The following PTPRD variants were observed in gnomAD, a reference collection of about 807,000 sequenced individuals.
PTPRD encodes protein tyrosine phosphatase receptor type D.
PTPRD carries 34 observed loss-of-function variants against 214.5 expected under a neutral mutation model. The ratio of observed to expected loss-of-function variants is 0.16; its 90% confidence interval spans 0.12 to 0.21. PTPRD has a LOEUF of 0.21. Among genes scored for constraint, PTPRD ranks in the 10% least tolerant of loss-of-function variants. The pLI is 1.00. For missense variants in PTPRD, 2,545 were observed against 2,398.7 expected (o/e 1.06, Z -1.27); for synonymous variants, 1,128 against 845.7 (o/e 1.33, Z -5.79).
intron 11 of PTPRD, among the ~76,000 whole-genome samples, chr9:8,918,813 C>G (rs2098805262): frequency 6.6e-6 from 1 of 152,138 alleles, no homozygotes; most frequent in Admixed American, 6.6e-5. Flanking sequence ...ACCAAACTTT[C>G]TCTAACACAA....
chr9:9,759,677 C>T (rs941212286), intron 6 of PTPRD, among the ~76,000 whole-genome samples: 1 of 151,192 alleles, frequency 6.6e-6, no homozygotes, highest in African/African-American at 2.4e-5. Flanking sequence ...CTTGCCTCAG[C>T]CTCCCAAGTA....
rs556635642 is a variant in PTPRD at position 10,563,573 on chromosome 9, A to G, written c.-600+48825T>C. 2.3e-3 allele frequency among the ~76,000 whole-genome samples: 355 copies of G among 152,276 alleles called. 2 individuals are homozygous for G. The highest frequency in any genetic ancestry group is 8.2e-3 in the African/African-American group (340 of 41,556). On this transcript the variant is annotated intron_variant, in intron 2 of 45. Coordinates refer to ENST00000381196, the MANE Select transcript of PTPRD (RefSeq NM_002839.4). The stretch of plus-strand genomic sequence containing the variant: ...ATGAATTAGTTACATTATTTAAAAT[A>G]TATTTATTTCAATGTAGAAATTCAA...
At chr9:10,028,346 T>G (rs927745949) in intron 4 of PTPRD, among the ~76,000 whole-genome samples, 3 of 152,174 alleles carry the variant, frequency 2.0e-5, no homozygotes, top group African/African-American at 7.2e-5. Context: ...ATAGAGTAAA[T>G]TGGTACCAGT....
At chr9:9,664,485 C>A (rs183358505) in intron 7 of PTPRD, among the ~76,000 whole-genome samples, 1 of 151,674 alleles carries the variant, frequency 6.6e-6, no homozygotes, top group East Asian at 1.9e-4. Context: ...GCAATTAGAT[C>A]AGCTCTTTTT....
chr9:9,291,483 G>C (rs556106226), intron 9 of PTPRD, among the ~76,000 whole-genome samples: 2 of 151,362 alleles, frequency 1.3e-5, no homozygotes, highest in Non-Finnish European at 3.0e-5. Context: ...AAATTTATTA[G>C]AGATTTTGAT....
intron 2 of PTPRD, among the ~76,000 whole-genome samples, chr9:10,438,395 C>G (rs694992): frequency 0.45 from 68,181 of 151,322 alleles, 17,049 homozygotes; most frequent in East Asian, 0.72. Context: ...GGGTTTATCA[C>G]AACATAATCC....
At chr9:10,385,263 T>C (rs2097894978) in intron 2 of PTPRD, among the ~76,000 whole-genome samples, 1 of 151,808 alleles carries the variant, frequency 6.6e-6, no homozygotes, top group Non-Finnish European at 1.5e-5. Context: ...ATGTTCTGGT[T>C]ATATATGCAG....
intron 12 of PTPRD, among the ~76,000 whole-genome samples, chr9:8,719,642 A>G (rs2098471069): frequency 6.6e-6 from 1 of 152,186 alleles, no homozygotes; most frequent in Non-Finnish European, 1.5e-5. Context: ...TTTATTTTGT[A>G]TTGGCTGTGG....
chr9:9,376,272 G>T (rs10977686), intron 9 of PTPRD, among the ~76,000 whole-genome samples: 3,754 of 152,128 alleles, frequency 0.025, 138 homozygotes, highest in African/African-American at 0.085. Flanking sequence ...GCAAACAAAT[G>T]CCTGGATGAC....
chr9:8,497,112 A>G, intron 26 of PTPRD, 130 bp downstream of exon 26: 1 of 783,260 alleles, frequency 1.3e-6, no homozygotes, highest in Non-Finnish European at 2.0e-6. Context: ...CAGTGAAGAT[A>G]ACTTAAAAAT....
chr9:10,604,771 T>A (rs181296296), intron 2 of PTPRD, among the ~76,000 whole-genome samples: 1 of 151,880 alleles, frequency 6.6e-6, no homozygotes, highest in Non-Finnish European at 1.5e-5. Flanking sequence ...TAAGTGTTAA[T>A]TGAGAACTAA....
At chr9:8,737,881 C>A (rs773849358) in intron 11 of PTPRD, among the ~76,000 whole-genome samples, 3 of 152,132 alleles carry the variant, frequency 2.0e-5, no homozygotes, top group Non-Finnish European at 4.4e-5. Context: ...GAACTCCTGA[C>A]CTTGTGATCC....
At chr9:9,994,183 G>T (rs1019423296) in intron 4 of PTPRD, among the ~76,000 whole-genome samples, 1 of 152,150 alleles carries the variant, frequency 6.6e-6, no homozygotes, top group South Asian at 2.1e-4. Context: ...CTAATCTGTT[G>T]CTCTAGCAGG....
intron 9 of PTPRD, among the ~76,000 whole-genome samples, chr9:9,260,837 G>T (rs749440605): frequency 1.8e-4 from 28 of 151,770 alleles, no homozygotes; most frequent in Non-Finnish European, 3.5e-4. Flanking sequence ...GAAATACAAG[G>T]CATGACAATC....
chr9:8,871,171 C>T (rs2098293610), intron 11 of PTPRD, among the ~76,000 whole-genome samples: 1 of 152,172 alleles, frequency 6.6e-6, no homozygotes, highest in South Asian at 2.1e-4. Flanking sequence ...AAGCCCTGGG[C>T]ATATGTTCAA....
At chr9:8,379,791 G>A (rs184876679) in intron 37 of PTPRD, among the ~76,000 whole-genome samples, 56 of 152,210 alleles carry the variant, frequency 3.7e-4, no homozygotes, top group African/African-American at 1.3e-3. Context: ...ATACGAATAC[G>A]GTTTTTTGCC....
rs181632356 is a variant in PTPRD, at chr9:9,777,777, G to A, written c.-367-10926C>T. On this transcript the variant is annotated intron_variant, in intron 5 of 45. Coordinates refer to ENST00000381196, the MANE Select transcript of PTPRD (RefSeq NM_002839.4). ...TACTAATATTAAAGAAGGTTTTAAT[G>A]GTTTTTTTTGTAAAATGCATTATAA... Among the ~76,000 whole-genome samples, 11 of 152,172 alleles carry A rather than the reference G, an allele frequency of 7.2e-5. No homozygotes were observed. In the East Asian group the frequency reaches 1.7e-3, roughly 24 times the overall value.
At chr9:9,486,011 C>T (rs1011521568) in intron 8 of PTPRD, among the ~76,000 whole-genome samples, 7 of 151,588 alleles carry the variant, frequency 4.6e-5, no homozygotes, top group East Asian at 1.9e-4. Flanking sequence ...AATAGCAGGG[C>T]GTGGTGGCTT....
At chr9:8,646,559 T>A (rs1193379079) in intron 12 of PTPRD, among the ~76,000 whole-genome samples, 1 of 152,166 alleles carries the variant, frequency 6.6e-6, no homozygotes, top group African/African-American at 2.4e-5. Flanking sequence ...TCTTTCCCAC[T>A]TTTGAATTTA....
Sources: allele counts gnomAD v4.1 joint callset (sites outside exome capture counted in the v4.1 genomes callset), GRCh38; gene constraint gnomAD v4.1.1; transcripts MANE v1.5; gene names NCBI Gene and HGNC (gene_info 2026-07-23, HGNC 2026-07-21).